The following RHOF variants were observed in gnomAD, a reference collection of about 807,000 sequenced individuals.
RHOF encodes the protein rho-related GTP-binding protein RhoF.
Under a neutral mutation model 22.2 loss-of-function variants are expected in RHOF, and 21 were observed. The ratio of observed to expected loss-of-function variants is 0.95; its 90% confidence interval spans 0.67 to 1.36. RHOF has a LOEUF of 1.36. RHOF is among the 40% of genes most tolerant of loss of function. The pLI is 0.00. For synonymous variants in RHOF, 135 were observed against 131.2 expected, an observed-to-expected ratio of 1.03 and a Z score of -0.20; for missense variants, 285 against 293.7, an observed-to-expected ratio of 0.97 and a Z score of 0.22.
At chr12:121,783,510 T>TTC (rs1874529345) in intron 2 of RHOF, among the ~76,000 whole-genome samples, 1 of 151,918 alleles carries the variant, frequency 6.6e-6, no homozygotes, top group Admixed American at 6.6e-5. Flanking sequence ...GAGACAGAGT[T>TTC]TCGCTCTTGT....
At chr12:121,787,641 C>T (rs1874641685) in intron 2 of RHOF, among the ~76,000 whole-genome samples, 1 of 144,582 alleles carries the variant, frequency 6.9e-6, no homozygotes, top group African/African-American at 2.7e-5. Context: ...GTGGCGCATG[C>T]TTGTAATCCC....
In RHOF at chr12:121,777,930, G is replaced by T. The variant is rs1874299024; in HGVS notation, c.*1568C>A. 1 of 152,202 alleles carries T rather than the reference G, an allele frequency of 6.6e-6. No homozygotes were observed. Among genetic ancestry groups the T allele is most frequent in the African/African-American group, 2.4e-5 (1 of 41,434 alleles). The allele number at this position is 152,202 out of a possible 1,614,324, so 9.4% of individuals were successfully genotyped here. On this transcript the variant is annotated 3_prime_UTR_variant, in exon 5 of 5. Coordinates refer to ENST00000267205, the MANE Select transcript of RHOF (RefSeq NM_019034.3). ...AGGGCCTTGGGAACCTGGGTGGGTT[G>T]GGGAGGGTCTCAGAAGGCTCCTTCC...
At position 121,777,923 on chromosome 12, in the gene RHOF, G is replaced by A. The variant is rs1209854513; in HGVS notation, c.*1575C>T. 6.6e-6 allele frequency: 1 copy of A among 152,178 alleles called. No individual in the cohort carries two copies. Among genetic ancestry groups the A allele is most frequent in the Non-Finnish European group, 1.5e-5 (1 of 68,046 alleles). The allele number at this position is 152,178 out of a possible 1,614,324, so 9.4% of individuals were successfully genotyped here. A position where few individuals can be genotyped will look rare whatever the true frequency, so the allele number is the denominator to read the frequency against. On this transcript the variant is annotated 3_prime_UTR_variant, in exon 5 of 5. Transcript: ENST00000267205. ...GTACGGCAGGGCCTTGGGAACCTGG[G>A]TGGGTTGGGGAGGGTCTCAGAAGGC...
At chr12:121,789,448 A>G (rs554602194) in intron 2 of RHOF, among the ~76,000 whole-genome samples, 2 of 152,274 alleles carry the variant, frequency 1.3e-5, no homozygotes, top group South Asian at 4.1e-4. Context: ...TCCTGCTTCC[A>G]GGGACAGGGG....
chr12:121,784,947 T>TA (rs1410541032), intron 2 of RHOF, among the ~76,000 whole-genome samples: 1 of 152,208 alleles, frequency 6.6e-6, no homozygotes, highest in Non-Finnish European at 1.5e-5. Context: ...GAACTCTAGA[T>TA]ACGCTGTTTT....
At chr12:121,787,187 G>T (rs1199985662) in intron 2 of RHOF, among the ~76,000 whole-genome samples, 1 of 152,210 alleles carries the variant, frequency 6.6e-6, no homozygotes, top group East Asian at 1.9e-4. Context: ...GTGAAGGAAG[G>T]CTCAAAGGAA....
In RHOF at chr12:121,779,060, A is replaced by G; in HGVS notation, c.*438T>C. 6.0e-6 allele frequency: 1 copy of G among 166,674 alleles called. No individual in the cohort carries two copies. 10.3% of individuals were successfully genotyped at this position (166,674 alleles called of 1,614,324 possible). A position where few individuals can be genotyped will look rare whatever the true frequency, so the allele number is the denominator to read the frequency against. ...CTGGGGGAAGGAAGGAAGGAGCTGG[A>G]GGATACAGTGGTGCCTATCTCGGGA... On this transcript the variant is annotated 3_prime_UTR_variant, in exon 5 of 5. Coordinates refer to ENST00000267205, the MANE Select transcript of RHOF (RefSeq NM_019034.3).
intron 2 of RHOF, 95 bp downstream of exon 2, chr12:121,793,057 G>C: frequency 9.3e-7 from 1 of 1,079,734 alleles, no homozygotes; most frequent in South Asian, 1.4e-5. Context: ...CCCTGCCAAG[G>C]CTGCAGGGCG....
At chr12:121,793,098 G>C in intron 2 of RHOF, 54 bp downstream of exon 2, 1 of 1,466,974 alleles carries the variant, frequency 6.8e-7, no homozygotes, top group Admixed American at 2.0e-5. Context: ...CCCGGGAGGG[G>C]AAACCCTTCG....
chr12:121,793,400 G>T, intron 1 of RHOF, 96 bp downstream of exon 1: 3 of 1,493,184 alleles, frequency 2.0e-6, no homozygotes, highest in East Asian at 4.9e-5. Context: ...GCGGCCGCCT[G>T]TCCGTGCTCG....
At chr12:121,782,042 AC>A (rs2137494320) in intron 2 of RHOF, 1 of 152,310 alleles carries the variant, frequency 6.6e-6, no homozygotes, top group South Asian at 2.1e-4. Flanking sequence ...TTTCAAACTT[AC>A]AGTAAAATTG....
chr12:121,789,847 C>T (rs928146558), intron 2 of RHOF, among the ~76,000 whole-genome samples: 6 of 152,206 alleles, frequency 3.9e-5, no homozygotes, highest in African/African-American at 7.2e-5. Context: ...AGGGGACCAC[C>T]GCTCCCCGGG....
chr12:121,785,129 G>T (rs1181963104), intron 2 of RHOF, among the ~76,000 whole-genome samples: 1 of 152,060 alleles, frequency 6.6e-6, no homozygotes, highest in African/African-American at 2.4e-5. Context: ...TTCAAGACCA[G>T]CCTGGCTTGT....
chr12:121,779,401 T>G lies in RHOF; in HGVS notation c.*97A>C. 72 of 1,325,334 alleles carry G rather than the reference T, an allele frequency of 5.4e-5. No individual in the cohort carries two copies. The highest frequency in any genetic ancestry group is 6.1e-5 in the Non-Finnish European group (59 of 962,644). The allele number at this position is 1,325,334 out of a possible 1,614,324, so 82.1% of individuals were successfully genotyped here. A position where few individuals can be genotyped will look rare whatever the true frequency, so the allele number is the denominator to read the frequency against. ...GTCTAGCCGCAGGCCCCAGACACCA[T>G]GAGCTGGAGGGTCGGGATGGGGCAG... On this transcript the variant is annotated 3_prime_UTR_variant, in exon 5 of 5. Transcript: ENST00000267205.
chr12:121,785,983 C>T lies in RHOF; in HGVS notation c.227-4791G>A, dbSNP rs373614590. On this transcript the variant is annotated intron_variant, in intron 2 of 4. Transcript: ENST00000267205. ...AGGCTGGAATGCAGTGGCGTGATCT[C>T]GGCTCACTGCAAACTCCGCCTTCTG... 1.6e-4 allele frequency among the ~76,000 whole-genome samples: 24 copies of T among 151,776 alleles called. No homozygotes were observed. In the South Asian group the frequency reaches 4.8e-3, roughly 30 times the overall value.
intron 2 of RHOF, among the ~76,000 whole-genome samples, chr12:121,789,169 G>A (rs1592958938): frequency 6.6e-6 from 1 of 152,214 alleles, no homozygotes; most frequent in South Asian, 2.1e-4. Context: ...GGCTGTGGCT[G>A]CAATGAGTTA....
rs188792823 is a variant in RHOF, at chr12:121,781,133, T to G, written c.286A>C (p.Ile96Leu). ...GTGGGATTCATGACGTCATAGCAGA[T>G]GAGCACGAGGTGGGTGTTCTGGTAG... is the stretch of plus-strand genomic sequence containing the variant. ...LSYQNTHLVL[I>L]CYDVMNPTSY... The change falls in exon 3 of 5, where the codon ATC becomes CTC. Residue 96 changes from isoleucine to leucine, a missense_variant. By Grantham distance (5) the Ile-to-Leu change is conservative. Coordinates refer to ENST00000267205, the MANE Select transcript of RHOF (RefSeq NM_019034.3). The G allele has an allele frequency of 6.2e-7, 1 of 1,614,170 alleles. No individual in the cohort carries two copies. Among genetic ancestry groups the G allele is most frequent in the East Asian group, 2.2e-5 (1 of 44,888 alleles).
rs1257237610 is a variant in RHOF at position 121,779,462 on chromosome 12, CCT to C, written c.*34_*35del. On this transcript the variant is annotated 3_prime_UTR_variant, in exon 5 of 5. Transcript: ENST00000267205. ...GCAATCGGCACCTGGGCCCCCGGGC[CCT>C]GTCAGTGCTGTCGTGAGGTCTGTCT... 3 of 1,601,904 alleles carry C rather than the reference CCT, an allele frequency of 1.9e-6. No homozygotes were observed. Among genetic ancestry groups the C allele is most frequent in the Non-Finnish European group, 2.6e-6 (3 of 1,176,062 alleles).
chr12:121,793,330 C>T, intron 1 of RHOF, 91 bp from the exon 2 acceptor site: 11 of 1,445,850 alleles, frequency 7.6e-6, no homozygotes, highest in South Asian at 1.2e-5. Context: ...TCACTCGTCC[C>T]GGATCAGCCC....
Sources: gnomAD v4.1 joint callset for allele counts (sites outside exome capture counted in the v4.1 genomes callset) on GRCh38, gnomAD v4.1.1 for gene constraint, MANE v1.5 for transcripts, NCBI Gene and HGNC (gene_info 2026-07-23, HGNC 2026-07-21) for gene names.